TRHDE: variants seen among roughly 807,000 people sequenced by gnomAD.
The protein encoded by TRHDE is thyrotropin releasing hormone degrading enzyme.
A neutral mutation model predicts 125.7 loss-of-function variants in TRHDE; 72 were observed. The observed-to-expected ratio is 0.57, with a 90% confidence interval of 0.47 to 0.70. The LOEUF is 0.70. Among genes scored for constraint, TRHDE ranks in the 30% least tolerant of loss-of-function variants. The pLI, the probability that TRHDE is intolerant of heterozygous loss-of-function variation, is 0.00. For missense variants in TRHDE, 1,110 were observed against 1,327.1 expected (o/e 0.84, Z 2.54); for synonymous variants, 509 against 509.1 (o/e 1.00, Z 0.00).
intron 2 of TRHDE, among the ~76,000 whole-genome samples, chr12:72,303,517 A>G (rs906930204): frequency 1.3e-5 from 2 of 152,084 alleles, no homozygotes; most frequent in Non-Finnish European, 2.9e-5. Flanking sequence ...CTTTTTTTCA[A>G]AATTCACATT....
intron 3 of TRHDE, among the ~76,000 whole-genome samples, chr12:72,384,225 A>G (rs1021963620): frequency 2.6e-5 from 4 of 152,162 alleles, no homozygotes; most frequent in South Asian, 2.1e-4. Flanking sequence ...TTGTAAATCA[A>G]TGTTTCAAAA....
chr12:72,357,467 C>T (rs1438275633), intron 2 of TRHDE, among the ~76,000 whole-genome samples: 1 of 151,438 alleles, frequency 6.6e-6, no homozygotes, highest in African/African-American at 2.4e-5. Flanking sequence ...CAATATTGTT[C>T]TTTCTGTGTC....
chr12:72,348,862 T>A (rs1490631890), intron 2 of TRHDE, among the ~76,000 whole-genome samples: 1 of 152,062 alleles, frequency 6.6e-6, no homozygotes, highest in African/African-American at 2.4e-5. Context: ...TTACATTTTC[T>A]CTGAGTTGGA....
chr12:72,233,219 C>T (rs191234168), intron 2 of TRHDE, among the ~76,000 whole-genome samples: 54 of 152,038 alleles, frequency 3.6e-4, no homozygotes, highest in East Asian at 3.1e-3. Context: ...GAAATGGTGC[C>T]GAGAAGGTGG....
At chr12:72,258,630 C>T (rs1878872502) in intron 2 of TRHDE, among the ~76,000 whole-genome samples, 1 of 152,078 alleles carries the variant, frequency 6.6e-6, no homozygotes, top group Admixed American at 6.6e-5. Context: ...ATACTTCTCC[C>T]AGAGACCCGA....
At chr12:72,617,417 T>C (rs1269687825) in intron 12 of TRHDE, among the ~76,000 whole-genome samples, 1 of 152,118 alleles carries the variant, frequency 6.6e-6, no homozygotes, top group African/African-American at 2.4e-5. Context: ...GCATATGACA[T>C]TGAATTAAGA....
chr12:72,245,243 A>ATGTGTGTG lies in TRHDE; in HGVS notation n.280-132732_280-132725dup, dbSNP rs370752757. ...TGGTTTTATATCTATGTTTGTGTGT[A>ATGTGTGTG]TGTGTGTGTGTGTGTGTGTGTGTGT... On this transcript the variant is annotated intron_variant and non_coding_transcript_variant, in intron 2 of 4. Transcript: ENST00000548156. Among the ~76,000 whole-genome samples the ATGTGTGTG allele has an allele frequency of 2.8e-3, 410 of 147,310 alleles. 3 individuals carry two copies. The highest frequency in any genetic ancestry group is 0.022 in the East Asian group (108 of 5,016).
chr12:72,353,496 C>T (rs886600954), intron 2 of TRHDE, among the ~76,000 whole-genome samples: 1 of 151,508 alleles, frequency 6.6e-6, no homozygotes, highest in Non-Finnish European at 1.5e-5. Context: ...ATTTTATTCT[C>T]GGTAGCTGAT....
chr12:72,222,478 G>A (rs1478865920), intron 2 of TRHDE, among the ~76,000 whole-genome samples: 1 of 151,944 alleles, frequency 6.6e-6, no homozygotes, highest in African/African-American at 2.4e-5. Context: ...ATCACCTGGA[G>A]GCTTCTTAAA....
chr12:72,616,941 T>C (rs1036580427), intron 12 of TRHDE, among the ~76,000 whole-genome samples: 11 of 152,128 alleles, frequency 7.2e-5, no homozygotes, highest in Non-Finnish European at 1.2e-4. Flanking sequence ...AAATCCATAT[T>C]TCTTTTAAGG....
chr12:72,572,379 T>C (rs547403814), intron 10 of TRHDE, among the ~76,000 whole-genome samples: 1 of 152,280 alleles, frequency 6.6e-6, no homozygotes, highest in South Asian at 2.1e-4. Context: ...ACATTCTAAA[T>C]ATATTTTTTA....
intron 12 of TRHDE, among the ~76,000 whole-genome samples, chr12:72,577,514 G>T (rs1196187994): frequency 2.6e-5 from 4 of 152,200 alleles, no homozygotes; most frequent in African/African-American, 9.6e-5. Context: ...TAATAAAAGA[G>T]CCAGAGGATA....
In TRHDE at chr12:72,378,040, G is replaced by T. The variant is rs1871973917; in HGVS notation, c.1234G>T (p.Asp412Tyr). The change falls in exon 3 of 19, where the codon GAC becomes TAC. Residue 412 changes from aspartate (D) to tyrosine (Y), a missense_variant. Asp to Tyr is a radical substitution (Grantham distance 160). Around this residue, in one of 5 missense-constraint regions of TRHDE, gnomAD observed 252 missense variants for 274.8 expected, o/e 0.92. Coordinates refer to ENST00000261180, the MANE Select transcript of TRHDE (RefSeq NM_013381.3). ...TGATGCTATCAGAAGAGGATCCGGG[G>T]ACTATGCTCTCCATATAACAAAGAG... ...RPDAIRRGSGDYALHITKRLI... is the reference protein window; with the variant it reads ...RPDAIRRGSGYYALHITKRLI... 1 of 1,606,770 alleles carries T rather than the reference G, an allele frequency of 6.2e-7. No homozygotes were observed. The highest frequency in any genetic ancestry group is 1.7e-5 in the Admixed American group (1 of 59,412).
At chr12:72,314,129 G>A (rs1868678007) in intron 2 of TRHDE, among the ~76,000 whole-genome samples, 1 of 152,140 alleles carries the variant, frequency 6.6e-6, no homozygotes, top group Non-Finnish European at 1.5e-5. Flanking sequence ...TAACTTGCAA[G>A]CAATGTAAAA....
At chr12:72,200,735 G>A (rs191026536) in intron 2 of TRHDE, among the ~76,000 whole-genome samples, 4 of 152,302 alleles carry the variant, frequency 2.6e-5, no homozygotes, top group Admixed American at 6.5e-5. Context: ...TCAAGCTGAA[G>A]GTACTGATTA....
At chr12:72,158,003 G>A (rs1480804500) in intron 2 of TRHDE, among the ~76,000 whole-genome samples, 1 of 152,100 alleles carries the variant, frequency 6.6e-6, no homozygotes, top group African/African-American at 2.4e-5. Context: ...TGAGGGAAAA[G>A]GGCACGATCA....
At chr12:72,617,877 G>A (rs1156730319) in intron 12 of TRHDE, among the ~76,000 whole-genome samples, 1 of 152,110 alleles carries the variant, frequency 6.6e-6, no homozygotes, top group Non-Finnish European at 1.5e-5. Flanking sequence ...GAGCCCTCAT[G>A]ACCTAATCAC....
At chr12:72,231,280 T>G (rs1170971361) in intron 2 of TRHDE, among the ~76,000 whole-genome samples, 1 of 152,176 alleles carries the variant, frequency 6.6e-6, no homozygotes, top group Non-Finnish European at 1.5e-5. Context: ...ATCAGGTTTT[T>G]ATAGGTTCTA....
At chr12:72,392,486 AT>A (rs1339141884) in intron 3 of TRHDE, among the ~76,000 whole-genome samples, 1 of 152,186 alleles carries the variant, frequency 6.6e-6, no homozygotes, top group Non-Finnish European at 1.5e-5. Context: ...AATTTTCATA[AT>A]GTAAAGACGC....
Sources: allele counts gnomAD v4.1 joint callset (sites outside exome capture counted in the v4.1 genomes callset), GRCh38; gene constraint gnomAD v4.1.1; regional missense constraint gnomAD v4.1.1; transcripts MANE v1.5; gene names NCBI Gene and HGNC (gene_info 2026-07-23, HGNC 2026-07-21).